Variants in CCDC34 observed in about 807,000 individuals in gnomAD.
CCDC34 encodes coiled-coil domain containing 34, also known as coiled-coil domain-containing protein 34.
A neutral mutation model predicts 44.1 loss-of-function variants in CCDC34; 40 were observed. The ratio of observed to expected loss-of-function variants is 0.91; its 90% CI spans 0.70 to 1.18. CCDC34 has a LOEUF of 1.18. CCDC34 is among the 50% of genes most tolerant of loss of function. The pLI, the probability that CCDC34 is intolerant of heterozygous loss-of-function variation, is 0.00. For missense variants in CCDC34, 466 were observed against 452.3 expected, an observed-to-expected ratio of 1.03 and a Z score of -0.28; for synonymous variants, 159 against 158.2, an observed-to-expected ratio of 1.01 and a Z score of -0.04.
intron 3 of CCDC34, among the ~76,000 whole-genome samples, chr11:27,348,635 C>T (rs11029965): frequency 6.6e-6 from 1 of 151,984 alleles, no homozygotes; most frequent in African/African-American, 2.4e-5. Flanking sequence ...ACAGATACAG[C>T]TAAAATGTGA....
intron 4 of CCDC34, 122 bp downstream of exon 4, chr11:27,341,270 T>C (rs1255423825): frequency 1.7e-6 from 1 of 593,894 alleles, no homozygotes; most frequent in Non-Finnish European, 2.9e-6. Flanking sequence ...ACAGGATAGC[T>C]TCTTGTGTTT....
intron 1 of CCDC34, 26 bp from the exon 2 acceptor site, chr11:27,357,567 C>A (rs753712619): frequency 2.7e-5 from 43 of 1,603,906 alleles, no homozygotes; most frequent in Non-Finnish European, 3.4e-5. Flanking sequence ...TACTATAGTA[C>A]TTGTACAAGA....
chr11:27,351,423 A>G (rs761115825), intron 2 of CCDC34, among the ~76,000 whole-genome samples: 2 of 152,166 alleles, frequency 1.3e-5, no homozygotes, highest in Non-Finnish European at 2.9e-5. Flanking sequence ...GTCACAGGAA[A>G]TCTGTCTTCC....
At chr11:27,342,332 T>G (rs78793864) in intron 3 of CCDC34, among the ~76,000 whole-genome samples, 1 of 140,256 alleles carries the variant, frequency 7.1e-6, no homozygotes, top group Non-Finnish European at 1.6e-5. Context: ...CACACACACA[T>G]TTATATATAA....
intron 2 of CCDC34, among the ~76,000 whole-genome samples, chr11:27,356,327 T>C (rs959717898): frequency 4.6e-5 from 7 of 150,940 alleles, no homozygotes; most frequent in Non-Finnish European, 7.4e-5. Context: ...ATTCCCAGGA[T>C]TTTTTTTTAG....
intron 1 of CCDC34, among the ~76,000 whole-genome samples, chr11:27,361,578 G>A (rs899406956): frequency 6.6e-6 from 1 of 152,170 alleles, no homozygotes; most frequent in Non-Finnish European, 1.5e-5. Flanking sequence ...GTTTCTTGTT[G>A]CTACAACCAG....
intron 3 of CCDC34, chr11:27,349,925 A>C: frequency 9.7e-7 from 1 of 1,036,020 alleles, no homozygotes; most frequent in Non-Finnish European, 1.2e-6. Context: ...TAGGAACAAC[A>C]GAAGAATTCT....
intron 3 of CCDC34, among the ~76,000 whole-genome samples, chr11:27,342,403 A>G (rs919889332): frequency 4.0e-5 from 6 of 150,048 alleles, no homozygotes; most frequent in African/African-American, 1.5e-4. Flanking sequence ...ATATACACAC[A>G]CACATATTTC....
chr11:27,341,757 T>C (rs1862362686), intron 3 of CCDC34, among the ~76,000 whole-genome samples: 1 of 152,156 alleles, frequency 6.6e-6, no homozygotes, highest in Admixed American at 6.5e-5. Flanking sequence ...GGGCTATAAG[T>C]TTCATGAGGT....
chr11:27,346,996 G>C (rs2133342037), intron 3 of CCDC34, among the ~76,000 whole-genome samples: 1 of 152,264 alleles, frequency 6.6e-6, no homozygotes, highest in African/African-American at 2.4e-5. Flanking sequence ...CCTTTATCTT[G>C]ATTTCCAGTC....
chr11:27,359,516 T>A (rs2127061), intron 1 of CCDC34, among the ~76,000 whole-genome samples: 52,334 of 150,986 alleles, frequency 0.35, 9,355 homozygotes, highest in Admixed American at 0.46. Context: ...TGAGACGGTG[T>A]CTCCCTCTGT....
At chr11:27,358,044 A>G (rs1024716337) in intron 1 of CCDC34, among the ~76,000 whole-genome samples, 6 of 152,214 alleles carry the variant, frequency 3.9e-5, no homozygotes, top group Non-Finnish European at 8.8e-5. Context: ...TCTTTATATT[A>G]TTTCACCTTT....
chr11:27,339,003 C>T lies in CCDC34; in HGVS notation c.940G>A (p.Ala314Thr). 1 of 1,613,060 alleles carries T rather than the reference C, an allele frequency of 6.2e-7. No homozygotes were observed. The highest frequency in any genetic ancestry group is 1.3e-5 in the African/African-American group (1 of 74,952). The change falls in exon 6 of 6, where the codon GCC becomes ACC. Residue 314 changes from alanine to threonine, a missense_variant. Transcript: ENST00000328697. ...FYSGNSYPEP[A>T]FYNPIPWKPI... ...TTCCACGGAATTGGATTATAAAAGG[C>T]TGGTTCTGGATAGGAATTTCCACTG...
chr11:27,348,803 G>GAAAAAAAA (rs34797091), intron 3 of CCDC34: 2 of 762,270 alleles, frequency 2.6e-6, no homozygotes, highest in Non-Finnish European at 3.1e-6. Context: ...AGGTCTTAAA[G>GAAAAAAAA]AAAAAAAAAA....
rs761135803 is a variant in CCDC34 at position 27,363,073 on chromosome 11, C to A, written c.122G>T (p.Arg41Leu). The change falls in exon 1 of 6, where the codon CGT (arginine) becomes CTT (leucine). Residue 41 changes from arginine to leucine, a missense_variant. Coordinates refer to ENST00000328697, the MANE Select transcript of CCDC34 (RefSeq NM_030771.2). ...GCGCACCACCTCCAGCCCCTGCCCACGTGCGCCCGTCATAGGGACTGAGCA... is the reference window on the plus strand; with the variant it reads ...GCGCACCACCTCCAGCCCCTGCCCAAGTGCGCCCGTCATAGGGACTGAGCA... ...DSCSVPMTGARGQGLEVVRSP... is the reference protein window; with the variant it reads ...DSCSVPMTGALGQGLEVVRSP... 2.1e-5 allele frequency: 34 copies of A among 1,612,080 alleles called. No individual in the cohort carries two copies. Among genetic ancestry groups the A allele is most frequent in the Non-Finnish European group, 2.9e-5 (34 of 1,179,102 alleles).
At chr11:27,355,977 T>TAAGGAAG (rs1169223446) in intron 2 of CCDC34, among the ~76,000 whole-genome samples, 1 of 149,002 alleles carries the variant, frequency 6.7e-6, no homozygotes, top group Non-Finnish European at 1.5e-5. Context: ...AAAGTTATTC[T>TAAGGAAG]AAGGAAGATC....
rs187815990 is a variant in CCDC34, at chr11:27,355,863, T to C, written c.498+1540A>G. ...CATACAATAGGAAAACAGCAGAATG[T>C]ATTAGTTTTCATAATCATTTGAATT... On this transcript the variant is annotated intron_variant, in intron 2 of 5. Coordinates refer to ENST00000328697, the MANE Select transcript of CCDC34 (RefSeq NM_030771.2). Among the ~76,000 whole-genome samples, 450 of 152,258 alleles carry C rather than the reference T, an allele frequency of 3.0e-3. 2 individuals are homozygous for C. The highest frequency in any genetic ancestry group is 0.01 in the African/African-American group (433 of 41,546).
rs1460246243 is a variant in CCDC34 at position 27,341,568 on chromosome 11, A to G, written c.607-18T>C. 2.6e-6 allele frequency: 3 copies of G among 1,136,462 alleles called. No homozygotes were observed. The highest frequency in any genetic ancestry group is 3.6e-6 in the Non-Finnish European group (3 of 827,092). The allele number at this position is 1,136,462 out of a possible 1,614,324, so 70.4% of individuals were successfully genotyped here. A position where few individuals can be genotyped will look rare whatever the true frequency, so the allele number is the denominator to read the frequency against. On this transcript the variant is annotated intron_variant, in intron 3 of 5. Coordinates refer to ENST00000328697, the MANE Select transcript of CCDC34 (RefSeq NM_030771.2). ...TTTCTTTTCTTAAATAAAAATAGAT[A>G]AAGTTTAATTGTAATACCAGTAATT... is the stretch of plus-strand genomic sequence containing the variant.
chr11:27,343,161 G>C (rs1426018289), intron 3 of CCDC34, among the ~76,000 whole-genome samples: 2 of 152,124 alleles, frequency 1.3e-5, no homozygotes, highest in African/African-American at 4.8e-5. Flanking sequence ...AGCACTTTGC[G>C]GGGCCAAGGC....
Sources: gnomAD v4.1 joint callset for allele counts (sites outside exome capture counted in the v4.1 genomes callset) on GRCh38, gnomAD v4.1.1 for gene constraint, MANE v1.5 for transcripts, NCBI Gene and HGNC (gene_info 2026-07-23, HGNC 2026-07-21) for gene names.